PIK3R1: variants seen among roughly 807,000 people sequenced by gnomAD.
PIK3R1 encodes the protein phosphatidylinositol 3-kinase regulatory subunit alpha.
Under a neutral mutation model 98.0 loss-of-function variants are expected in PIK3R1, and 29 were observed. That is an observed-to-expected ratio of 0.30 (90% CI 0.22 to 0.40). PIK3R1 has a LOEUF of 0.40. Ranked by LOEUF, PIK3R1 falls within the 10% of genes least tolerant of loss-of-function variation. The probability of loss-of-function intolerance (pLI) is 1.00; values close to 1 mark genes in which losing one functional copy is unlikely to be tolerated. For synonymous variants in PIK3R1, 282 were observed against 311.8 expected, an observed-to-expected ratio of 0.90 and a Z score of 1.01; for missense variants, 596 against 872.7, an observed-to-expected ratio of 0.68 and a Z score of 3.99.
At chr5:68,268,860 C>T (rs560037892) in intron 2 of PIK3R1, among the ~76,000 whole-genome samples, 33 of 152,216 alleles carry the variant, frequency 2.2e-4, no homozygotes, top group Non-Finnish European at 3.8e-4. Context: ...CAAAGAATGC[C>T]ACTGTCTCCC....
At chr5:68,292,678 C>A in intron 8 of PIK3R1, 1 of 1,292,356 alleles carries the variant, frequency 7.7e-7, no homozygotes, top group Admixed American at 3.4e-5. Context: ...TTGCCTTAAA[C>A]ACAATAAGAA....
chr5:68,239,362 T>G (rs1031050539), intron 2 of PIK3R1, among the ~76,000 whole-genome samples: 1 of 152,058 alleles, frequency 6.6e-6, no homozygotes, highest in Non-Finnish European at 1.5e-5. Flanking sequence ...TATGACTACT[T>G]TAAAGAAATA....
At chr5:68,252,372 CA>C (rs5868527) in intron 2 of PIK3R1, among the ~76,000 whole-genome samples, 9 of 146,832 alleles carry the variant, frequency 6.1e-5, no homozygotes, top group East Asian at 4.0e-4. Flanking sequence ...ACTGAATTTA[CA>C]AAAAAAAAAA....
rs2302974 is a variant in PIK3R1 at position 68,273,563 on chromosome 5, A to C, written c.427+81A>C. 0.2 allele frequency: 237,312 copies of C among 1,185,912 alleles called. 24,471 individuals carry two copies. The highest frequency in any genetic ancestry group is 0.22 in the African/African-American group (14,807 of 66,296). 73.5% of individuals were successfully genotyped at this position (1,185,912 alleles called of 1,614,324 possible). On this transcript the variant is annotated intron_variant, in intron 3 of 15. Transcript: ENST00000521381. The stretch of plus-strand genomic sequence containing the variant: ...CTTATTATTTGTCTCTTGTGCATTC[A>C]TTAAGTAAATTTCCTACTACCAGCT...
chr5:68,290,731 G>A (rs1246158161), intron 7 of PIK3R1: 2 of 1,610,724 alleles, frequency 1.2e-6, no homozygotes, highest in Non-Finnish European at 1.7e-6. Flanking sequence ...TTGCACAAAT[G>A]TACAATACTG....
In PIK3R1 at chr5:68,253,931, C is replaced by T. The variant is rs569241373; in HGVS notation, c.335-19459C>T. Among the ~76,000 whole-genome samples, 23 of 151,410 alleles carry T rather than the reference C, an allele frequency of 1.5e-4. No homozygotes were observed. The South Asian group carries it at 4.8e-3, about 32-fold the overall frequency. On this transcript the variant is annotated intron_variant, in intron 2 of 15. Transcript: ENST00000521381. ...TGAACTATAAACCCATGTATATCCA[C>T]TCCAAGAAAAGAGCTAATAAATGTC...
rs947332473 is a variant in PIK3R1, at chr5:68,299,585, G to A, written c.*1984G>A. 1.3e-5 allele frequency: 3 copies of A among 233,074 alleles called. No individual in the cohort carries two copies. The highest frequency in any genetic ancestry group is 3.6e-4 in the South Asian group (2 of 5,510). 14.4% of individuals were successfully genotyped at this position (233,074 alleles called of 1,614,324 possible). On this transcript the variant is annotated 3_prime_UTR_variant, in exon 16 of 16. Transcript: ENST00000521381. ...AAAGACTAATTAGCAACCATAATAT[G>A]GTCACTACCCTAATAGACTAAATGA...
chr5:68,267,844 A>G (rs989372327), intron 2 of PIK3R1, among the ~76,000 whole-genome samples: 9 of 152,172 alleles, frequency 5.9e-5, no homozygotes, highest in African/African-American at 1.9e-4. Flanking sequence ...AGTATTGTTT[A>G]TATATACAAA....
intron 14 of PIK3R1, 55 bp from the exon 15 acceptor site, chr5:68,296,116 C>T: frequency 1.3e-6 from 2 of 1,563,190 alleles, no homozygotes; most frequent in Non-Finnish European, 1.8e-6. Context: ...GACAGCAAGG[C>T]AGGCTGATGG....
In PIK3R1 at chr5:68,215,868, G is replaced by C. The variant is rs926314733; in HGVS notation, c.-468G>C. On this transcript the variant is annotated 5_prime_UTR_variant, in exon 1 of 16. Coordinates refer to ENST00000521381, the MANE Select transcript of PIK3R1 (RefSeq NM_181523.3). ...GGCACGGCCGGCGGGTCGCAGCCGG[G>C]CTGGAGGCCGGTCGGAACCGAGCGG... 3 of 152,588 alleles carry C rather than the reference G, an allele frequency of 2.0e-5. No individual in the cohort carries two copies. The highest frequency in any genetic ancestry group is 6.5e-5 in the Admixed American group (1 of 15,304). The allele number at this position is 152,588 out of a possible 1,614,324, so 9.5% of individuals were successfully genotyped here.
chr5:68,262,687 ATG>A (rs2112115750), intron 2 of PIK3R1, among the ~76,000 whole-genome samples: 4 of 41,782 alleles, frequency 9.6e-5, no homozygotes, highest in African/African-American at 2.3e-4. Context: ...ATGTATCTGC[ATG>A]TATACACATG....
chr5:68,217,791 A>C (rs559966753), intron 1 of PIK3R1: 1 of 152,314 alleles, frequency 6.6e-6, no homozygotes, highest in South Asian at 2.1e-4. Flanking sequence ...TTCAGCTTTT[A>C]TATGCAGGTA....
chr5:68,290,565 G>A, intron 7 of PIK3R1: 2 of 932,550 alleles, frequency 2.1e-6, no homozygotes, highest in East Asian at 2.9e-5. Context: ...GATGAAGCAG[G>A]AGTGGTCTGG....
intron 8 of PIK3R1, 87 bp from the exon 9 acceptor site, chr5:68,293,014 C>A: frequency 2.7e-6 from 3 of 1,098,316 alleles, no homozygotes; most frequent in Non-Finnish European, 4.1e-6. Flanking sequence ...GAACCTAAAA[C>A]TGCTCTAAAA....
At chr5:68,290,735 A>G (rs746189538) in intron 7 of PIK3R1, 1 of 1,611,856 alleles carries the variant, frequency 6.2e-7, no homozygotes, top group Admixed American at 1.7e-5. Flanking sequence ...ACAAATGTAC[A>G]ATACTGTTTG....
chr5:68,234,686 G>C (rs779873506), intron 2 of PIK3R1, among the ~76,000 whole-genome samples: 1 of 152,232 alleles, frequency 6.6e-6, no homozygotes, highest in African/African-American at 2.4e-5. Context: ...GATCTGTACT[G>C]AGAGTTCCTA....
chr5:68,254,253 T>G (rs1002120069), intron 2 of PIK3R1, among the ~76,000 whole-genome samples: 55 of 152,224 alleles, frequency 3.6e-4, no homozygotes, highest in Non-Finnish European at 1.5e-4. Flanking sequence ...ACATATAAAC[T>G]GTTGAGATGT....
rs144917136 is a variant in PIK3R1 at position 68,273,690 on chromosome 5, A to G, written c.427+208A>G. 5.3e-4 allele frequency: 317 copies of G among 596,084 alleles called. No individual in the cohort carries two copies. The African/African-American group carries it at 5.3e-3, about 10-fold the overall frequency. 36.9% of individuals were successfully genotyped at this position (596,084 alleles called of 1,614,324 possible). A position where few individuals can be genotyped will look rare whatever the true frequency, so the allele number is the denominator to read the frequency against. On this transcript the variant is annotated intron_variant, in intron 3 of 15. Transcript: ENST00000521381. ...AACTCTAGATTATCATGTAGTTTCC[A>G]TATGGAAACTATTAAATTCTTCATA... is the stretch of plus-strand genomic sequence containing the variant.
rs1250941917 is a variant in PIK3R1 at position 68,299,035 on chromosome 5, G to A, written c.*1434G>A. The A allele has an allele frequency of 4.3e-6, 1 of 233,328 alleles. No individual in the cohort carries two copies. The highest frequency in any genetic ancestry group is 8.5e-6 in the Non-Finnish European group (1 of 117,934). 14.5% of individuals were successfully genotyped at this position (233,328 alleles called of 1,614,324 possible). A position where few individuals can be genotyped will look rare whatever the true frequency, so the allele number is the denominator to read the frequency against. ...GATTTGCTAGTTGTTATCAATTAAT[G>A]ACAATTACAAACCTACTGTATCTCT... is the stretch of plus-strand genomic sequence containing the variant. On this transcript the variant is annotated 3_prime_UTR_variant, in exon 16 of 16. Transcript: ENST00000521381.
Sources: allele counts gnomAD v4.1 joint callset (sites outside exome capture counted in the v4.1 genomes callset), GRCh38; gene constraint gnomAD v4.1.1; transcripts MANE v1.5; gene names NCBI Gene and HGNC (gene_info 2026-07-23, HGNC 2026-07-21).